GPC6: variants seen among roughly 807,000 people sequenced by gnomAD.
The protein encoded by GPC6 is glypican 6.
In GPC6, 14 loss-of-function variants were observed where a neutral mutation model predicts 55.2. The observed-to-expected ratio is 0.25, with a 90% CI of 0.17 to 0.40. The LOEUF is 0.40. Among genes scored for constraint, GPC6 ranks in the 10% least tolerant of loss-of-function variants. The probability of loss-of-function intolerance (pLI) is 1.00; values close to 1 mark genes in which losing one functional copy is unlikely to be tolerated. For missense variants in GPC6, 641 were observed against 708.5 expected, an observed-to-expected ratio of 0.90 and a Z score of 1.08; for synonymous variants, 278 against 259.6, an observed-to-expected ratio of 1.07 and a Z score of -0.68.
intron 4 of GPC6, among the ~76,000 whole-genome samples, chr13:94,104,912 A>G (rs1041890699): frequency 6.6e-6 from 1 of 152,188 alleles, no homozygotes; most frequent in East Asian, 1.9e-4. Flanking sequence ...TATAGATTCA[A>G]TGCCATCCCC....
chr13:94,281,656 C>A (rs1320681277), intron 4 of GPC6, among the ~76,000 whole-genome samples: 3 of 152,156 alleles, frequency 2.0e-5, no homozygotes, highest in East Asian at 1.9e-4. Flanking sequence ...GCAGTAAGAT[C>A]ATTTTTAATC....
intron 3 of GPC6, among the ~76,000 whole-genome samples, chr13:93,876,458 G>C (rs2140305887): frequency 6.6e-6 from 1 of 152,172 alleles, no homozygotes; most frequent in African/African-American, 2.4e-5. Flanking sequence ...ACACGTCACT[G>C]TTCTATGACC....
chr13:94,396,395 A>C (rs755127470), intron 7 of GPC6, among the ~76,000 whole-genome samples: 2 of 152,180 alleles, frequency 1.3e-5, no homozygotes, highest in Non-Finnish European at 2.9e-5. Context: ...AGAGTACCAA[A>C]AAGAAAAGAA....
rs572891549 is a variant in GPC6, at chr13:93,377,888, GGT to G, written c.160+150273_160+150274del. Among the ~76,000 whole-genome samples the G allele has an allele frequency of 3.0e-3, 454 of 152,304 alleles. 5 individuals carry two copies. The highest frequency in any genetic ancestry group is 0.01 in the African/African-American group (428 of 41,560). ...CCTTTTGTTACAAAGGACATAAAGA[GGT>G]AGGGTTGAAAAGTTAATCATACAAA... On this transcript the variant is annotated intron_variant, in intron 1 of 8. Transcript: ENST00000377047.
At chr13:93,658,904 A>T (rs1451714985) in intron 2 of GPC6, among the ~76,000 whole-genome samples, 1 of 151,878 alleles carries the variant, frequency 6.6e-6, no homozygotes, top group Admixed American at 6.6e-5. Flanking sequence ...TGAGTTAAAA[A>T]TTTTTCCTAC....
chr13:93,246,461 CA>C (rs1349233725), intron 1 of GPC6, among the ~76,000 whole-genome samples: 1 of 151,804 alleles, frequency 6.6e-6, no homozygotes, highest in East Asian at 1.9e-4. Flanking sequence ...ATTTTCTTTG[CA>C]AAGAAAACAC....
chr13:94,053,105 G>A (rs1011948850), intron 4 of GPC6, among the ~76,000 whole-genome samples: 1 of 152,180 alleles, frequency 6.6e-6, no homozygotes, highest in Non-Finnish European at 1.5e-5. Context: ...ACTGTCATGG[G>A]TAATTGACAG....
At chr13:93,461,126 A>AT (rs1878669547) in intron 1 of GPC6, among the ~76,000 whole-genome samples, 1 of 151,984 alleles carries the variant, frequency 6.6e-6, no homozygotes, top group Non-Finnish European at 1.5e-5. Context: ...TTGTTCTCCA[A>AT]TTTTTTTATC....
At chr13:93,905,258 T>C (rs1202753908) in intron 3 of GPC6, among the ~76,000 whole-genome samples, 57 of 152,074 alleles carry the variant, frequency 3.7e-4, no homozygotes, top group Non-Finnish European at 2.9e-5. Context: ...ATCATAGCTT[T>C]GTCTCTTACT....
intron 4 of GPC6, among the ~76,000 whole-genome samples, chr13:94,285,967 C>T (rs1259334740): frequency 6.6e-6 from 1 of 152,162 alleles, no homozygotes; most frequent in African/African-American, 2.4e-5. Context: ...CACAAATCAG[C>T]ACTTCTTCCC....
intron 6 of GPC6, among the ~76,000 whole-genome samples, chr13:94,343,123 G>C (rs1299813663): frequency 6.6e-6 from 1 of 152,196 alleles, no homozygotes; most frequent in East Asian, 1.9e-4. Context: ...TAGCAACGAG[G>C]TGTCTATCAC....
intron 1 of GPC6, among the ~76,000 whole-genome samples, chr13:93,322,181 C>T (rs1879467306): frequency 6.6e-6 from 1 of 152,094 alleles, no homozygotes; most frequent in Admixed American, 6.6e-5. Flanking sequence ...TTCAAGGGTA[C>T]ATGTGCAGGT....
At position 93,834,210 on chromosome 13, in the gene GPC6, A is replaced by G. The variant is rs548266185; in HGVS notation, c.711+3665A>G. Among the ~76,000 whole-genome samples, 8 of 152,302 alleles carry G rather than the reference A, an allele frequency of 5.3e-5. 1 individual carries two copies. The South Asian group carries it at 1.0e-3, about 20-fold the overall frequency. On this transcript the variant is annotated intron_variant, in intron 3 of 8. Transcript: ENST00000377047. Reference sequence around the variant, plus strand: ...GTTTGTAGCAGGATCTTTTACAATGACATAGAAAGTAGAAACGTCACAAAT... The same window carrying G: ...GTTTGTAGCAGGATCTTTTACAATGGCATAGAAAGTAGAAACGTCACAAAT...
intron 3 of GPC6, among the ~76,000 whole-genome samples, chr13:93,845,999 A>G (rs995438457): frequency 1.3e-4 from 20 of 152,066 alleles, no homozygotes; most frequent in Non-Finnish European, 2.1e-4. Flanking sequence ...ATAAATAAAT[A>G]AATAAATAAA....
intron 6 of GPC6, among the ~76,000 whole-genome samples, chr13:94,336,946 G>C (rs909427003): frequency 3.3e-5 from 5 of 152,124 alleles, no homozygotes; most frequent in African/African-American, 1.2e-4. Context: ...TTTTGAATTT[G>C]TTTTATGATA....
chr13:93,276,485 AGAGAGAGAGAGTGT>A (rs1159632469), intron 1 of GPC6, among the ~76,000 whole-genome samples: 94 of 135,102 alleles, frequency 7.0e-4, no homozygotes, highest in African/African-American at 2.9e-3. Context: ...AGAGAGAGAG[AGAGAGAGAGAGTGT>A]GTGTGTGTGT....
chr13:94,241,745 C>G lies in GPC6; in HGVS notation c.878-44604C>G, dbSNP rs184582782. Among the ~76,000 whole-genome samples, 15 of 152,082 alleles carry G rather than the reference C, an allele frequency of 9.9e-5. No individual in the cohort carries two copies. The East Asian group carries it at 2.9e-3, about 29-fold the overall frequency. The stretch of plus-strand genomic sequence containing the variant: ...TATGACCAGGCAATGTGAAGAAAAC[C>G]CTTTTAGATCCCTTCTCAGTGTAAG... On this transcript the variant is annotated intron_variant, in intron 4 of 8. Coordinates refer to ENST00000377047, the MANE Select transcript of GPC6 (RefSeq NM_005708.5).
At chr13:93,992,316 C>G (rs1347601066) in intron 3 of GPC6, among the ~76,000 whole-genome samples, 2 of 151,866 alleles carry the variant, frequency 1.3e-5, no homozygotes, top group African/African-American at 4.8e-5. Context: ...AAATCACAAT[C>G]TACTGTATAA....
chr13:93,434,464 C>T (rs1038954890), intron 1 of GPC6, among the ~76,000 whole-genome samples: 1 of 152,228 alleles, frequency 6.6e-6, no homozygotes, highest in Non-Finnish European at 1.5e-5. Context: ...ATAGGCCAAT[C>T]TGTTGAGCCC....
Sources: allele counts gnomAD v4.1 joint callset (sites outside exome capture counted in the v4.1 genomes callset), GRCh38; gene constraint gnomAD v4.1.1; transcripts MANE v1.5; gene names NCBI Gene and HGNC (gene_info 2026-07-23, HGNC 2026-07-21).